BIVM: variants seen among roughly 807,000 people sequenced by gnomAD.
BIVM encodes the protein basic immunoglobulin-like variable motif-containing protein.
A neutral mutation model predicts 61.4 loss-of-function variants in BIVM; 31 were observed. That is an observed-to-expected ratio of 0.51 (90% CI 0.38 to 0.68). BIVM has a LOEUF of 0.68. BIVM is among the 30% of genes least tolerant of loss of function. The pLI, the probability that BIVM is intolerant of heterozygous loss-of-function variation, is 0.00. For missense variants in BIVM, 526 were observed against 596.0 expected (o/e 0.88, Z 1.22); for synonymous variants, 189 against 210.7 (o/e 0.90, Z 0.89).
intron 7 of BIVM, among the ~76,000 whole-genome samples, chr13:102,830,582 A>G (rs1566454472): frequency 1.3e-5 from 2 of 152,158 alleles, no homozygotes; most frequent in Non-Finnish European, 2.9e-5. Context: ...TTGTGGTGGT[A>G]CTACCAGCCT....
At chr13:102,829,354 C>T (rs1162859722) in intron 7 of BIVM, among the ~76,000 whole-genome samples, 1 of 152,054 alleles carries the variant, frequency 6.6e-6, no homozygotes, top group East Asian at 1.9e-4. Context: ...GTTTTTTTCT[C>T]CTTTCTCTAT....
rs115975434 is a variant in BIVM at position 102,840,913 on chromosome 13, G to C, written c.*1048G>C. ...CTATACCCAAGGTTATCTGTGAAAT[G>C]AGATCTCCTGATATTTGATTGCTTT... is the stretch of plus-strand genomic sequence containing the variant. On this transcript the variant is annotated 3_prime_UTR_variant, in exon 11 of 11. Coordinates refer to ENST00000257336, the MANE Select transcript of BIVM (RefSeq NM_017693.4). 3,300 of 152,306 alleles carry C rather than the reference G, an allele frequency of 0.022. 127 individuals carry two copies. Among genetic ancestry groups the C allele is most frequent in the African/African-American group, 0.075 (3,110 of 41,516 alleles). The allele number at this position is 152,306 out of a possible 1,614,324, so 9.4% of individuals were successfully genotyped here. A position where few individuals can be genotyped will look rare whatever the true frequency, so the allele number is the denominator to read the frequency against.
At position 102,839,696 on chromosome 13, in the gene BIVM, T is replaced by C. The variant is rs374920600; in HGVS notation, c.1343T>C (p.Ile448Thr). Residue 448 changes from isoleucine to threonine, a missense_variant, in exon 11 of 11, where the codon ATT becomes ACT. Physicochemically the swap from Ile to Thr is moderately conservative, Grantham distance 89. Around this residue, in one of 3 missense-constraint regions of BIVM, gnomAD observed 210 missense variants for 233.1 expected, o/e 0.90. Coordinates refer to ENST00000257336, the MANE Select transcript of BIVM (RefSeq NM_017693.4). ...ESQPPTHAQGIAKSESEDNIS... is the reference protein window; with the variant it reads ...ESQPPTHAQGTAKSESEDNIS... ...CAACCTCCAACACATGCCCAGGGAA[T>C]TGCCAAATCTGAGAGTGAAGACAAT... 1.7e-5 allele frequency: 28 copies of C among 1,614,014 alleles called. No individual in the cohort carries two copies. The African/African-American group carries it at 2.9e-4, about 17-fold the overall frequency.
At chr13:102,816,749 C>A in intron 4 of BIVM, 195 bp downstream of exon 4, 1 of 426,844 alleles carries the variant, frequency 2.3e-6, no homozygotes, top group Non-Finnish European at 3.5e-6. Context: ...GCTGGTCTTT[C>A]CCAAACTCGG....
chr13:102,831,189 G>A (rs1440167119), intron 7 of BIVM, among the ~76,000 whole-genome samples: 1 of 152,170 alleles, frequency 6.6e-6, no homozygotes, highest in Non-Finnish European at 1.5e-5. Flanking sequence ...ATAAATGCAT[G>A]TGCTAACATT....
At chr13:102,803,279 G>C (rs1250232073) in intron 1 of BIVM, among the ~76,000 whole-genome samples, 2 of 152,008 alleles carry the variant, frequency 1.3e-5, no homozygotes, top group Admixed American at 6.6e-5. Context: ...GAGGCCAGCA[G>C]ATCACCTGAG....
intron 1 of BIVM, among the ~76,000 whole-genome samples, chr13:102,804,502 C>T (rs1178959870): frequency 6.6e-6 from 1 of 152,178 alleles, no homozygotes; most frequent in Non-Finnish European, 1.5e-5. Context: ...TTAGTAGAGA[C>T]AGGGTTTCAC....
chr13:102,825,677 A>G (rs372316340), intron 7 of BIVM, among the ~76,000 whole-genome samples: 1 of 152,270 alleles, frequency 6.6e-6, no homozygotes, highest in Admixed American at 6.5e-5. Context: ...TGCCTCACTG[A>G]TGGGATGCCC....
chr13:102,831,895 A>T (rs947801926), intron 8 of BIVM, among the ~76,000 whole-genome samples, 198 bp downstream of exon 8: 1 of 116,118 alleles, frequency 8.6e-6, no homozygotes, highest in African/African-American at 3.2e-5. Context: ...AAAAAAAAAA[A>T]TTAGCCGGGC....
At chr13:102,817,929 G>C (rs959602030) in intron 4 of BIVM, among the ~76,000 whole-genome samples, 14 of 152,316 alleles carry the variant, frequency 9.2e-5, no homozygotes, top group Admixed American at 2.6e-4. Context: ...CTGAGAAACA[G>C]AGATGCACAC....
rs1418729324 is a variant in BIVM at position 102,841,053 on chromosome 13, CAT to C, written c.*1192_*1193del. On this transcript the variant is annotated 3_prime_UTR_variant, in exon 11 of 11. Transcript: ENST00000257336. ...TCTGAGCTGTTTCCTTTTTAAAAAT[CAT>C]ATAGACAATTAGCTGTTTGAAGTGA... 6.6e-6 allele frequency: 1 copy of C among 152,534 alleles called. No individual in the cohort carries two copies. The highest frequency in any genetic ancestry group is 1.5e-5 in the Non-Finnish European group (1 of 68,014). The allele number at this position is 152,534 out of a possible 1,614,324, so 9.4% of individuals were successfully genotyped here. A position where few individuals can be genotyped will look rare whatever the true frequency, so the allele number is the denominator to read the frequency against.
rs1219057928 is a variant in BIVM at position 102,840,862 on chromosome 13, A to G, written c.*997A>G. The G allele has an allele frequency of 6.6e-6, 1 of 152,152 alleles. No individual in the cohort carries two copies. The highest frequency in any genetic ancestry group is 2.4e-5 in the African/African-American group (1 of 41,430). The allele number at this position is 152,152 out of a possible 1,614,324, so 9.4% of individuals were successfully genotyped here. On this transcript the variant is annotated 3_prime_UTR_variant, in exon 11 of 11. Transcript: ENST00000257336. ...ATGACGTTTGCCTTAGGGGTAAAGTAAAAGAACAATTGGCACCTTAAGTTT... is the reference window on the plus strand; with the variant it reads ...ATGACGTTTGCCTTAGGGGTAAAGTGAAAGAACAATTGGCACCTTAAGTTT...
At chr13:102,821,589 G>A (rs1458315075) in intron 5 of BIVM, among the ~76,000 whole-genome samples, 154 bp from the exon 6 acceptor site, 3 of 152,092 alleles carry the variant, frequency 2.0e-5, no homozygotes, top group African/African-American at 7.2e-5. Flanking sequence ...GCCACAGAGT[G>A]AGAACCTGTC....
chr13:102,799,550 G>A (rs1878600014), intron 1 of BIVM, 29 bp downstream of exon 1: 1 of 152,322 alleles, frequency 6.6e-6, no homozygotes, highest in African/African-American at 2.4e-5. Context: ...CAGGGGCCGA[G>A]GTGGCGGCCG....
intron 7 of BIVM, among the ~76,000 whole-genome samples, chr13:102,822,957 T>TG (rs1450394079): frequency 6.6e-6 from 1 of 152,052 alleles, no homozygotes; most frequent in Non-Finnish European, 1.5e-5. Flanking sequence ...GCGAGGGGTT[T>TG]GGGGGTGGGA....
rs1259549291 is a variant in BIVM at position 102,838,711 on chromosome 13, G to A, written c.1190G>A (p.Arg397Lys). Residue 397 changes from arginine (R) to lysine (K), a missense_variant, in exon 10 of 11, where the codon AGG becomes AAG. Physicochemically the swap from Arg to Lys is conservative, Grantham distance 26. Around this residue, in one of 3 missense-constraint regions of BIVM, gnomAD observed 210 missense variants for 233.1 expected, o/e 0.90. Transcript: ENST00000257336. ...TACCTGGATATCCGGCACTTAGAGAGGGGACTGCAGTATAGAAAAACAAAG... is the reference window on the plus strand; with the variant it reads ...TACCTGGATATCCGGCACTTAGAGAAGGGACTGCAGTATAGAAAAACAAAG... Reference protein sequence around the residue: ...PEYLDIRHLERGLQYRKTKKV... With the variant: ...PEYLDIRHLEKGLQYRKTKKV... The A allele has an allele frequency of 2.5e-6, 4 of 1,613,348 alleles. No homozygotes were observed. The South Asian group carries it at 4.4e-5, about 18-fold the overall frequency.
chr13:102,800,511 C>G (rs984223550), intron 1 of BIVM: 2 of 152,238 alleles, frequency 1.3e-5, no homozygotes, highest in African/African-American at 4.8e-5. Context: ...CCTCTCTGCC[C>G]GCGTCGCCTC....
Position 102,816,522 on chromosome 13 carries a change from T to C in BIVM, c.573T>C (p.Ile191=). The part of the protein sequence containing the change: ...ECPQHSPLED[I]KQRKVLDLRR... Reference sequence around the variant, plus strand: ...CTCAGCATTCTCCTCTTGAAGATATTAAACAGCGGAAAGTATTAGACCTCA... The same window carrying C: ...CTCAGCATTCTCCTCTTGAAGATATCAAACAGCGGAAAGTATTAGACCTCA... Residue 191 remains isoleucine, a synonymous_variant, in exon 4 of 11, where the codon ATT becomes ATC. Transcript: ENST00000257336. 6.3e-7 allele frequency: 1 copy of C among 1,589,398 alleles called. No homozygotes were observed. The highest frequency in any genetic ancestry group is 8.5e-7 in the Non-Finnish European group (1 of 1,171,950).
Position 102,821,866 on chromosome 13 carries a change from A to G in BIVM, c.806+19A>G, listed in dbSNP as rs1566450763. 6.2e-7 allele frequency: 1 copy of G among 1,606,554 alleles called. No homozygotes were observed. Among genetic ancestry groups the G allele is most frequent in the Non-Finnish European group, 8.5e-7 (1 of 1,176,752 alleles). On this transcript the variant is annotated intron_variant, in intron 6 of 10. Transcript: ENST00000257336. ...TTATGAGGTATGAAGACCCTCTTAG[A>G]GGCAATATCGTGTTTCTAGTTTTGC...
Sources: gnomAD v4.1 joint callset for allele counts (sites outside exome capture counted in the v4.1 genomes callset) on GRCh38, gnomAD v4.1.1 for gene constraint, gnomAD v4.1.1 regional missense constraint, MANE v1.5 for transcripts, NCBI Gene and HGNC (gene_info 2026-07-23, HGNC 2026-07-21) for gene names.